TAS2R1: variants seen among roughly 807,000 people sequenced by gnomAD.
TAS2R1 encodes the protein taste 2 receptor member 1.
For missense variants in TAS2R1, 370 were observed against 353.4 expected (o/e 1.05, Z -0.38); for synonymous variants, 141 against 134.2 (o/e 1.05, Z -0.35).
At chr5:9,758,490 A>G in the TAS2R1 span, among the ~76,000 whole-genome samples, 1 of 152,190 alleles carries the variant, frequency 6.6e-6, no homozygotes, top group African/African-American at 2.4e-5. Context: ...CTCAAAATAG[A>G]CAAACAAAAT....
At chr5:9,755,455 C>T in the TAS2R1 span, among the ~76,000 whole-genome samples, 2 of 151,800 alleles carry the variant, frequency 1.3e-5, no homozygotes, top group East Asian at 3.9e-4. Context: ...GGCGTGGTAG[C>T]GTGCGCCTGT....
chr5:9,816,581 T>C, the TAS2R1 span, among the ~76,000 whole-genome samples: 4 of 152,186 alleles, frequency 2.6e-5, no homozygotes, highest in Middle Eastern at 3.4e-3. Flanking sequence ...CTACCATTCA[T>C]GGGAGATGCT....
the TAS2R1 span, among the ~76,000 whole-genome samples, chr5:9,828,176 A>T: frequency 3.3e-5 from 5 of 152,008 alleles, no homozygotes; most frequent in East Asian, 9.6e-4. Flanking sequence ...CCTAGGCTGG[A>T]GTGCCATGGC....
the TAS2R1 span, among the ~76,000 whole-genome samples, chr5:9,832,460 G>A: frequency 4.6e-5 from 7 of 152,184 alleles, no homozygotes; most frequent in African/African-American, 7.2e-5. Flanking sequence ...GGAGAAGGTG[G>A]ACCTTTCCGC....
the TAS2R1 span, among the ~76,000 whole-genome samples, chr5:9,739,286 C>T: frequency 5.9e-5 from 9 of 152,290 alleles, no homozygotes; most frequent in African/African-American, 2.2e-4. Context: ...AGCGTGCTGG[C>T]TTATCTGGTC....
the TAS2R1 span, among the ~76,000 whole-genome samples, chr5:9,823,119 A>G: frequency 6.6e-6 from 1 of 152,146 alleles, no homozygotes; most frequent in South Asian, 2.1e-4. Context: ...CATGAAGAAT[A>G]AAAAAGACTT....
At chr5:9,665,744 G>A (rs755065719) in intron 1 of TAS2R1, among the ~76,000 whole-genome samples, 11 of 152,150 alleles carry the variant, frequency 7.2e-5, no homozygotes, top group Non-Finnish European at 1.2e-4. Context: ...ACTCGAAAAG[G>A]GCTTGTTTAT....
At chr5:9,679,001 C>T (rs1204449799) in intron 1 of TAS2R1, among the ~76,000 whole-genome samples, 37 of 152,086 alleles carry the variant, frequency 2.4e-4, no homozygotes, top group Admixed American at 2.4e-3. Flanking sequence ...CTGCACTGCA[C>T]CCAGAAAATC....
At chr5:9,762,118 C>G in the TAS2R1 span, among the ~76,000 whole-genome samples, 5 of 152,098 alleles carry the variant, frequency 3.3e-5, no homozygotes, top group Admixed American at 1.3e-4. Flanking sequence ...TTTTTTCCAG[C>G]CTCACACTGG....
chr5:9,679,979 A>T (rs1436433835), intron 1 of TAS2R1, among the ~76,000 whole-genome samples: 1 of 152,176 alleles, frequency 6.6e-6, no homozygotes, highest in East Asian at 1.9e-4. Flanking sequence ...TAATTCTAGT[A>T]CTGGGGCAGG....
At chr5:9,766,518 G>A in the TAS2R1 span, among the ~76,000 whole-genome samples, 1 of 152,204 alleles carries the variant, frequency 6.6e-6, no homozygotes, top group Admixed American at 6.5e-5. Context: ...GCAGTTCTGA[G>A]TACCCCAAAG....
upstream of TAS2R1, among the ~76,000 whole-genome samples, chr5:9,712,636 T>C (rs949113561): frequency 6.6e-6 from 1 of 152,200 alleles, no homozygotes; most frequent in African/African-American, 2.4e-5. Flanking sequence ...AACTCATACC[T>C]GAATTTCCAG....
chr5:9,897,450 A>G, the TAS2R1 span, among the ~76,000 whole-genome samples: 1 of 152,164 alleles, frequency 6.6e-6, no homozygotes, highest in African/African-American at 2.4e-5. Context: ...CTCCATCTCA[A>G]AAAACAAAAA....
the TAS2R1 span, among the ~76,000 whole-genome samples, chr5:9,720,440 T>C: frequency 6.6e-6 from 1 of 152,348 alleles, no homozygotes; most frequent in Admixed American, 6.5e-5. Context: ...AAATGTGGAA[T>C]GTACCTCTGA....
chr5:9,779,419 T>A, the TAS2R1 span, among the ~76,000 whole-genome samples: 1 of 152,234 alleles, frequency 6.6e-6, no homozygotes, highest in Non-Finnish European at 1.5e-5. Context: ...AATAACACAC[T>A]TCCTCACCAA....
the TAS2R1 span, among the ~76,000 whole-genome samples, chr5:9,860,634 T>C: frequency 3.3e-5 from 5 of 152,098 alleles, no homozygotes; most frequent in Non-Finnish European, 7.4e-5. Flanking sequence ...GCCTTCAGCC[T>C]GGGATGTAGG....
chr5:9,732,184 T>C, the TAS2R1 span, among the ~76,000 whole-genome samples: 1 of 152,084 alleles, frequency 6.6e-6, no homozygotes, highest in Non-Finnish European at 1.5e-5. Context: ...CAGGGAGGAA[T>C]ATTCCCAACA....
chr5:9,641,193 A>G (rs564678479), intron 2 of TAS2R1: 2 of 152,292 alleles, frequency 1.3e-5, no homozygotes, highest in East Asian at 3.9e-4. Flanking sequence ...ACGATGTCCA[A>G]TTCTATTTAT....
chr5:9,871,620 A>G, the TAS2R1 span, among the ~76,000 whole-genome samples: 9 of 152,256 alleles, frequency 5.9e-5, no homozygotes, highest in African/African-American at 2.2e-4. Flanking sequence ...TATCTACAGG[A>G]GGAATTTTAC....
Sources: allele counts gnomAD v4.1 joint callset (sites outside exome capture counted in the v4.1 genomes callset), GRCh38; gene constraint gnomAD v4.1.1; transcripts MANE v1.5; gene names NCBI Gene and HGNC (gene_info 2026-07-23, HGNC 2026-07-21).